DNAI3: variants seen among roughly 807,000 people sequenced by gnomAD.
DNAI3 encodes dynein axonemal intermediate chain 3.
Under a neutral mutation model 115.5 loss-of-function variants are expected in DNAI3, and 83 were observed. The ratio of observed to expected loss-of-function variants is 0.72; its 90% CI spans 0.60 to 0.86. The LOEUF (loss-of-function observed/expected upper bound fraction) is 0.86. Among genes scored for constraint, DNAI3 ranks in the 40% least tolerant of loss-of-function variants. The pLI is 0.00. For synonymous variants in DNAI3, 320 were observed against 347.0 expected (o/e 0.92, Z 0.86); for missense variants, 1,004 against 1,075.8 (o/e 0.93, Z 0.93).
At chr1:85,086,654 T>A (rs554620259) in intron 7 of DNAI3, among the ~76,000 whole-genome samples, 2 of 152,116 alleles carry the variant, frequency 1.3e-5, no homozygotes, top group Non-Finnish European at 2.9e-5. Context: ...AATGATATTG[T>A]TCTAATTACT....
intron 8 of DNAI3, among the ~76,000 whole-genome samples, chr1:85,091,150 A>G (rs1322825245): frequency 6.6e-6 from 1 of 152,204 alleles, no homozygotes; most frequent in African/African-American, 2.4e-5. Flanking sequence ...GCAATGAGAT[A>G]GAAACAAGAA....
chr1:85,124,338 G>T, intron 19 of DNAI3, 87 bp downstream of exon 19: 6 of 1,586,600 alleles, frequency 3.8e-6, no homozygotes, highest in Non-Finnish European at 5.2e-6. Flanking sequence ...TGACATAATA[G>T]TGCCTTTGGG....
chr1:85,124,164 C>T lies in DNAI3; in HGVS notation c.2025C>T (p.Val675=). ...VSHHTIHDGT[V]HTIQRSPFYN... Reference sequence around the variant, plus strand: ...ACCACACCATTCACGACGGAACTGTCCACACTATTCAGAGATCACCTTTCT... The same window carrying T: ...ACCACACCATTCACGACGGAACTGTTCACACTATTCAGAGATCACCTTTCT... The change falls in exon 19 of 23, where the codon GTC becomes GTT. Residue 675 remains valine, a synonymous_variant. Transcript: ENST00000294664. 1 of 1,614,202 alleles carries T rather than the reference C, an allele frequency of 6.2e-7. No individual in the cohort carries two copies. Among genetic ancestry groups the T allele is most frequent in the Non-Finnish European group, 8.5e-7 (1 of 1,180,036 alleles).
chr1:85,122,317 T>G (rs1414609768), intron 18 of DNAI3, among the ~76,000 whole-genome samples: 2 of 152,074 alleles, frequency 1.3e-5, no homozygotes, highest in Non-Finnish European at 2.9e-5. Flanking sequence ...GGACAGGTCG[T>G]GTCTTTATGT....
chr1:85,099,511 T>G (rs1377494959), intron 13 of DNAI3: 1 of 153,560 alleles, frequency 6.5e-6, no homozygotes, highest in African/African-American at 2.4e-5. Flanking sequence ...TCCATGCTCA[T>G]GGATAGGAAG....
chr1:85,110,212 G>C (rs562649203), intron 16 of DNAI3, 77 bp downstream of exon 16: 2 of 1,319,510 alleles, frequency 1.5e-6, no homozygotes, highest in Non-Finnish European at 2.1e-6. Context: ...AGCACTTCGG[G>C]AGGCTGAGGC....
intron 1 of DNAI3, among the ~76,000 whole-genome samples, chr1:85,067,591 A>G (rs1654137119): frequency 6.6e-6 from 1 of 152,210 alleles, no homozygotes; most frequent in Non-Finnish European, 1.5e-5. Context: ...ATATGTTACC[A>G]TATATGGCAA....
intron 3 of DNAI3, among the ~76,000 whole-genome samples, chr1:85,079,475 C>T (rs191958398): frequency 2.6e-5 from 4 of 152,240 alleles, no homozygotes; most frequent in Admixed American, 1.3e-4. Flanking sequence ...AAAATTCCAA[C>T]ATGAGAGGCC....
intron 3 of DNAI3, 87 bp from the exon 4 acceptor site, chr1:85,081,147 T>C: frequency 9.0e-7 from 1 of 1,109,960 alleles, no homozygotes; most frequent in Non-Finnish European, 1.2e-6. Flanking sequence ...CCAAGATAAT[T>C]ATTAAAACCA....
chr1:85,073,771 TA>T (rs1654363353), intron 3 of DNAI3, among the ~76,000 whole-genome samples: 1 of 152,202 alleles, frequency 6.6e-6, no homozygotes, highest in African/African-American at 2.4e-5. Flanking sequence ...GACATGTTTT[TA>T]AAGGGTCAGG....
chr1:85,110,108 G>A lies in DNAI3; in HGVS notation c.1759G>A (p.Glu587Lys), dbSNP rs1557721548. 5 of 1,605,876 alleles carry A rather than the reference G, an allele frequency of 3.1e-6. No individual in the cohort carries two copies. Among genetic ancestry groups the A allele is most frequent in the Non-Finnish European group, 4.3e-6 (5 of 1,175,686 alleles). ...DHCPTKISLN[E>K]DHLLCKTQDK... ...CTGTCCAACCAAGATAAGCCTGAAT[G>A]AAGACCATCTTCTTTGCAAAACACA... The change falls in exon 16 of 23, where the codon GAA becomes AAA. Residue 587 changes from glutamate (E) to lysine (K), a missense_variant. Glu to Lys is a moderately conservative substitution (Grantham distance 56). Transcript: ENST00000294664.
Position 85,085,850 on chromosome 1 carries a change from G to A in DNAI3, c.560G>A (p.Arg187Gln), listed in dbSNP as rs1187807745. ...STKQITYMIS[R>Q]KRSEFGAPIK... ...TTACAGATTACATATATGATTTCTCGAAAACGAAGTGAATTTGGTGCACCA... is the reference window on the plus strand; with the variant it reads ...TTACAGATTACATATATGATTTCTCAAAAACGAAGTGAATTTGGTGCACCA... The change falls in exon 7 of 23, where the codon CGA becomes CAA. Residue 187 changes from arginine (R) to glutamine (Q), a missense_variant. By Grantham distance (43) the Arg-to-Gln change is conservative. Coordinates refer to ENST00000294664, the MANE Select transcript of DNAI3 (RefSeq NM_145172.5). 19 of 1,613,850 alleles carry A rather than the reference G, an allele frequency of 1.2e-5. No individual in the cohort carries two copies. Among genetic ancestry groups the A allele is most frequent in the African/African-American group, 4.0e-5 (3 of 74,870 alleles).
chr1:85,127,902 T>G (rs1656195638), intron 20 of DNAI3, among the ~76,000 whole-genome samples: 1 of 151,922 alleles, frequency 6.6e-6, no homozygotes, highest in East Asian at 1.9e-4. Context: ...GGAGATCACT[T>G]GAGTCCAGGA....
At chr1:85,125,163 G>T (rs1656095486) in intron 19 of DNAI3, among the ~76,000 whole-genome samples, 1 of 152,162 alleles carries the variant, frequency 6.6e-6, no homozygotes, top group East Asian at 1.9e-4. Flanking sequence ...CTTTTGGTGG[G>T]ATTGTAAGTT....
rs67767458 is a variant in DNAI3 at position 85,084,277 on chromosome 1, T to TACAC, written c.391-267_391-264dup. On this transcript the variant is annotated intron_variant, in intron 5 of 22. Transcript: ENST00000294664. The stretch of plus-strand genomic sequence containing the variant: ...ATATATATATATATATATATATATA[T>TACAC]ACACATCCATATGTAGAGATGTGTA... 2.6e-3 allele frequency among the ~76,000 whole-genome samples: 329 copies of TACAC among 128,482 alleles called. 4 individuals are homozygous for TACAC. Among genetic ancestry groups the TACAC allele is most frequent in the Non-Finnish European group, 3.3e-3 (201 of 61,730 alleles). The allele number at this position is 128,482 out of a possible 152,430, so 84.3% of individuals were successfully genotyped here. A position where few individuals can be genotyped will look rare whatever the true frequency, so the allele number is the denominator to read the frequency against.
At chr1:85,095,878 A>C in intron 10 of DNAI3, 53 bp from the exon 11 acceptor site, 7 of 1,488,906 alleles carry the variant, frequency 4.7e-6, no homozygotes, top group Non-Finnish European at 5.6e-6. Flanking sequence ...TTTTCTCGCC[A>C]TGATCTTAAT....
At chr1:85,112,070 G>GAGATGGGGGCTC (rs1655675939) in intron 16 of DNAI3, among the ~76,000 whole-genome samples, 1 of 149,560 alleles carries the variant, frequency 6.7e-6, no homozygotes, top group African/African-American at 2.5e-5. Flanking sequence ...TTTTTTTTAA[G>GAGATGGGGGCTC]AGATGGGGGC....
At chr1:85,091,636 A>G (rs1654979056) in intron 8 of DNAI3, among the ~76,000 whole-genome samples, 1 of 152,260 alleles carries the variant, frequency 6.6e-6, no homozygotes, top group Non-Finnish European at 1.5e-5. Context: ...TCTTTCTCAT[A>G]GAATTTTATC....
At chr1:85,105,529 A>G (rs1655461259) in intron 14 of DNAI3, among the ~76,000 whole-genome samples, 1 of 67,450 alleles carries the variant, frequency 1.5e-5, no homozygotes, top group African/African-American at 5.2e-5. Flanking sequence ...ACTCTGTCTC[A>G]AAAAAAAAAA....
Sources: allele counts gnomAD v4.1 joint callset (sites outside exome capture counted in the v4.1 genomes callset), GRCh38; gene constraint gnomAD v4.1.1; transcripts MANE v1.5; gene names NCBI Gene and HGNC (gene_info 2026-07-23, HGNC 2026-07-21).